The following TTC7B variants were observed in gnomAD, a reference collection of about 807,000 sequenced individuals.
TTC7B encodes tetratricopeptide repeat protein 7B.
TTC7B carries 28 observed loss-of-function variants against 106.8 expected under a neutral mutation model. The observed-to-expected ratio is 0.26, with a 90% CI of 0.19 to 0.36. The LOEUF is 0.36. Among genes scored for constraint, TTC7B ranks in the 10% least tolerant of loss-of-function variants. The pLI is 1.00. For synonymous variants in TTC7B, 405 were observed against 430.6 expected, an observed-to-expected ratio of 0.94 and a Z score of 0.74; for missense variants, 862 against 1,076.4, an observed-to-expected ratio of 0.80 and a Z score of 2.79.
intron 9 of TTC7B, among the ~76,000 whole-genome samples, chr14:90,671,333 C>T (rs1196564433): frequency 2.0e-5 from 3 of 152,184 alleles, no homozygotes; most frequent in Non-Finnish European, 2.9e-5. Context: ...AGATTTACCA[C>T]AAACACATGA....
chr14:90,581,739 T>G (rs528437137), intron 18 of TTC7B, among the ~76,000 whole-genome samples: 1 of 152,284 alleles, frequency 6.6e-6, no homozygotes, highest in South Asian at 2.1e-4. Flanking sequence ...GAGAAAGCCA[T>G]AAATGCCAAT....
intron 15 of TTC7B, among the ~76,000 whole-genome samples, chr14:90,629,829 C>T (rs537212475): frequency 7.9e-5 from 12 of 152,352 alleles, no homozygotes; most frequent in Admixed American, 7.2e-4. Context: ...GAGCCCCCGG[C>T]GGTCAGCCAG....
Position 90,816,207 on chromosome 14 carries a change from A to G in TTC7B, c.89T>C (p.Val30Ala). Residue 30 changes from valine to alanine, a missense_variant, in exon 1 of 20, where the codon GTC becomes GCC. Val to Ala is a moderately conservative substitution (Grantham distance 64, BLOSUM62 0). Transcript: ENST00000328459. ...ECQWERIPEL[V>A]KQLSAKLIAN... is the part of the protein sequence containing the mutation. ...GATGAGCTTGGCCGACAGCTGCTTG[A>G]CGAGCTCAGGGATCCGCTCCCACTG... The G allele has an allele frequency of 7.9e-7, 1 of 1,270,716 alleles. No homozygotes were observed. The highest frequency in any genetic ancestry group is 1.3e-5 in the South Asian group (1 of 79,244). 78.7% of individuals were successfully genotyped at this position (1,270,716 alleles called of 1,614,324 possible). A position where few individuals can be genotyped will look rare whatever the true frequency, so the allele number is the denominator to read the frequency against.
intron 1 of TTC7B, 72 bp downstream of exon 1, chr14:90,816,091 CCGCGCCCGGCCG>C (rs962001812): frequency 1.0e-6 from 1 of 979,074 alleles, no homozygotes; most frequent in African/African-American, 1.8e-5. Context: ...TGCCCGCGCC[CCGCGCCCGGCCG>C]CGCCTCGGGG....
At chr14:90,758,582 C>A (rs527937207) in intron 3 of TTC7B, among the ~76,000 whole-genome samples, 4 of 152,262 alleles carry the variant, frequency 2.6e-5, no homozygotes, top group Non-Finnish European at 5.9e-5. Context: ...CCCGCGACCC[C>A]TGGCGGCGGC....
chr14:90,614,107 G>A (rs556104744), intron 16 of TTC7B, among the ~76,000 whole-genome samples: 12 of 152,252 alleles, frequency 7.9e-5, no homozygotes, highest in Non-Finnish European at 1.0e-4. Flanking sequence ...GAAGGGCCTC[G>A]GCTAGGAAAC....
intron 9 of TTC7B, among the ~76,000 whole-genome samples, chr14:90,674,359 A>G (rs1315763763): frequency 1.3e-5 from 2 of 152,238 alleles, no homozygotes; most frequent in African/African-American, 4.8e-5. Context: ...GTGAGCTTTC[A>G]TCTTTCTCCT....
chr14:90,631,676 G>A (rs1884710480), intron 15 of TTC7B, among the ~76,000 whole-genome samples: 1 of 152,108 alleles, frequency 6.6e-6, no homozygotes, highest in African/African-American at 2.4e-5. Context: ...AAAGTGCTGG[G>A]ATTACAGGCA....
At chr14:90,768,832 T>C (rs1296911545) in intron 3 of TTC7B, among the ~76,000 whole-genome samples, 1 of 152,270 alleles carries the variant, frequency 6.6e-6, no homozygotes, top group East Asian at 1.9e-4. Flanking sequence ...CAATAGTTTG[T>C]AACTCCACTT....
intron 18 of TTC7B, among the ~76,000 whole-genome samples, chr14:90,581,382 C>T (rs1004441867): frequency 3.3e-5 from 5 of 152,354 alleles, no homozygotes; most frequent in African/African-American, 9.6e-5. Flanking sequence ...GGCAAAACCT[C>T]TCCCTTCTGG....
rs1389356505 is a variant in TTC7B at position 90,759,501 on chromosome 14, G to T, written c.446-14579C>A. Among the ~76,000 whole-genome samples the T allele has an allele frequency of 6.6e-6, 1 of 152,128 alleles. No homozygotes were observed. The highest frequency in any genetic ancestry group is 2.4e-5 in the African/African-American group (1 of 41,420). On this transcript the variant is annotated intron_variant, in intron 3 of 19. Coordinates refer to ENST00000328459, the MANE Select transcript of TTC7B (RefSeq NM_001010854.2). The surrounding 1 kb of genome is among the most constrained non-coding windows in gnomAD (Gnocchi z 4.1). ...CCAAACCCTAAGAATAAAAACTACA[G>T]CGGCCACCACCACACATTGCAGAGG...
At position 90,807,087 on chromosome 14, in the gene TTC7B, G is replaced by A. The variant is rs141173855; in HGVS notation, c.121+9088C>T. ...ACCTCTATCTACCTGAAAGACTACC[G>A]TTCCACTTGCCCAGGACTGAGGGAG... is the stretch of plus-strand genomic sequence containing the variant. On this transcript the variant is annotated intron_variant, in intron 1 of 19. Transcript: ENST00000328459. This position sits in a 1 kb window ranked among gnomAD's most constrained non-coding sequence, Gnocchi z 4.1. Among the ~76,000 whole-genome samples the A allele has an allele frequency of 3.9e-5, 6 of 152,186 alleles. No homozygotes were observed. The East Asian group carries it at 5.8e-4, about 15-fold the overall frequency.
At chr14:90,688,350 C>T (rs1017247110) in intron 7 of TTC7B, among the ~76,000 whole-genome samples, 1 of 151,894 alleles carries the variant, frequency 6.6e-6, no homozygotes, top group Non-Finnish European at 1.5e-5. Context: ...ATTGTCCCAG[C>T]GTGGTGGCTC....
rs1044465810 is a variant in TTC7B at position 90,577,245 on chromosome 14, G to A, written c.2310+861C>T. On this transcript the variant is annotated intron_variant, in intron 19 of 19. Coordinates refer to ENST00000328459, the MANE Select transcript of TTC7B (RefSeq NM_001010854.2). The surrounding 1 kb of genome is among the most constrained non-coding windows in gnomAD (Gnocchi z 5.0). ...CATGCAGGCCCAGGGAACGTGGCACGGCTTTTCACAAGCTCCTCAGACCCT... is the reference window on the plus strand; with the variant it reads ...CATGCAGGCCCAGGGAACGTGGCACAGCTTTTCACAAGCTCCTCAGACCCT... Among the ~76,000 whole-genome samples, 3 of 152,196 alleles carry A rather than the reference G, an allele frequency of 2.0e-5. No individual in the cohort carries two copies. The highest frequency in any genetic ancestry group is 4.8e-5 in the African/African-American group (2 of 41,448).
rs1047996964 is a variant in TTC7B at position 90,540,178 on chromosome 14, C to T, written c.*1190G>A. ...CCGGGCATGGTGGCTCACACCAGCACTTTCGGAGGCTGAGGCGGGAGGGCT... is the reference window on the plus strand; with the variant it reads ...CCGGGCATGGTGGCTCACACCAGCATTTTCGGAGGCTGAGGCGGGAGGGCT... On this transcript the variant is annotated 3_prime_UTR_variant, in exon 20 of 20. Coordinates refer to ENST00000328459, the MANE Select transcript of TTC7B (RefSeq NM_001010854.2). 6.6e-6 allele frequency: 1 copy of T among 152,274 alleles called. No individual in the cohort carries two copies. The highest frequency in any genetic ancestry group is 2.4e-5 in the African/African-American group (1 of 41,464). The allele number at this position is 152,274 out of a possible 1,614,324, so 9.4% of individuals were successfully genotyped here. A position where few individuals can be genotyped will look rare whatever the true frequency, so the allele number is the denominator to read the frequency against.
Position 90,755,692 on chromosome 14 carries a change from A to C in TTC7B, c.446-10770T>G, listed in dbSNP as rs145491387. ...ACAAAAAAACAAACAAACAAAAAAA[A>C]AAAACAAGAAAATGTCTGGGCTTCT... is the stretch of plus-strand genomic sequence containing the variant. On this transcript the variant is annotated intron_variant, in intron 3 of 19. Coordinates refer to ENST00000328459, the MANE Select transcript of TTC7B (RefSeq NM_001010854.2). Among the ~76,000 whole-genome samples the C allele has an allele frequency of 6.6e-3, 1,011 of 152,300 alleles. 3 individuals carry two copies. Among genetic ancestry groups the C allele is most frequent in the African/African-American group, 0.017 (696 of 41,574 alleles).
Position 90,742,669 on chromosome 14 carries a change from C to T in TTC7B, c.576+2123G>A, listed in dbSNP as rs368093456. 3.9e-5 allele frequency among the ~76,000 whole-genome samples: 6 copies of T among 152,282 alleles called. No homozygotes were observed. In the East Asian group the frequency reaches 5.8e-4, roughly 15 times the overall value. ...CCTTTCTAGACCTCAAGTTTCTTCTCAAAATCCAACATCTTATGATCACCA... is the reference window on the plus strand; with the variant it reads ...CCTTTCTAGACCTCAAGTTTCTTCTTAAAATCCAACATCTTATGATCACCA... On this transcript the variant is annotated intron_variant, in intron 4 of 19. Coordinates refer to ENST00000328459, the MANE Select transcript of TTC7B (RefSeq NM_001010854.2). This position sits in a 1 kb window ranked among gnomAD's most constrained non-coding sequence, Gnocchi z 4.1.
chr14:90,563,147 A>G (rs185857828), intron 19 of TTC7B, among the ~76,000 whole-genome samples: 1 of 152,356 alleles, frequency 6.6e-6, no homozygotes, highest in East Asian at 1.9e-4. Flanking sequence ...TCTTACATGT[A>G]TCATCCCATT....
In TTC7B at chr14:90,608,107, G is replaced by A. The variant is rs759133246; in HGVS notation, c.1966+2635C>T. ...GTTCGCAAGGCGGGCTCTCCACACA[G>A]GTGTGTGAATGACAGCATCTGCCCC... On this transcript the variant is annotated intron_variant, in intron 17 of 19. Coordinates refer to ENST00000328459, the MANE Select transcript of TTC7B (RefSeq NM_001010854.2). This position sits in a 1 kb window ranked among gnomAD's most constrained non-coding sequence, Gnocchi z 5.1. Among the ~76,000 whole-genome samples the A allele has an allele frequency of 6.6e-6, 1 of 152,318 alleles. No homozygotes were observed. Among genetic ancestry groups the A allele is most frequent in the Admixed American group, 6.5e-5 (1 of 15,300 alleles).
Sources: gnomAD v4.1 joint callset for allele counts (sites outside exome capture counted in the v4.1 genomes callset) on GRCh38, gnomAD v4.1.1 for gene constraint, Gnocchi (gnomAD v3.1) non-coding constraint, MANE v1.5 for transcripts, NCBI Gene and HGNC (gene_info 2026-07-23, HGNC 2026-07-21) for gene names.